Variants in MEGF10 observed in about 807,000 individuals in gnomAD.
MEGF10 encodes multiple EGF like domains 10.
A neutral mutation model predicts 147.5 loss-of-function variants in MEGF10; 86 were observed. The ratio of observed to expected loss-of-function variants is 0.58; its 90% confidence interval spans 0.49 to 0.70. MEGF10 has a LOEUF of 0.70. MEGF10 is among the 30% of genes least tolerant of loss of function. MEGF10 has a pLI of 0.00. For missense variants in MEGF10, 1,329 were observed against 1,487.3 expected (o/e 0.89, Z 1.75); for synonymous variants, 478 against 525.5 (o/e 0.91, Z 1.24).
chr5:127,327,543 A>G lies in MEGF10; in HGVS notation c.-18-3748A>G, dbSNP rs764626079. On this transcript the variant is annotated intron_variant, in intron 1 of 24. Transcript: ENST00000503335. ...ATAAGACAGGATGACACAGCATAGA[A>G]GAGAGAAATGAGGAAGAATAAATTT... is the stretch of plus-strand genomic sequence containing the variant. 3.8e-4 allele frequency among the ~76,000 whole-genome samples: 58 copies of G among 152,264 alleles called. No homozygotes were observed. The Middle Eastern group carries it at 0.02, about 54-fold the overall frequency.
intron 4 of MEGF10, among the ~76,000 whole-genome samples, chr5:127,342,795 T>C (rs1561582316): frequency 1.3e-5 from 2 of 152,122 alleles, no homozygotes; most frequent in African/African-American, 4.8e-5. Context: ...ATTCTCCTTT[T>C]TTCTAGGCCT....
intron 4 of MEGF10, among the ~76,000 whole-genome samples, chr5:127,341,083 A>AAATGAC (rs1239299058): frequency 6.6e-6 from 1 of 152,148 alleles, no homozygotes; most frequent in African/African-American, 2.4e-5. Context: ...TCACATTAAA[A>AAATGAC]AATGACAATA....
chr5:127,293,772 C>A (rs1759369724), intron 1 of MEGF10, among the ~76,000 whole-genome samples: 1 of 152,140 alleles, frequency 6.6e-6, no homozygotes, highest in Admixed American at 6.5e-5. Flanking sequence ...AGGGCTTCAC[C>A]CCAGAAGTAA....
At chr5:127,256,426 T>C in the MEGF10 span, among the ~76,000 whole-genome samples, 16 of 152,206 alleles carry the variant, frequency 1.1e-4, no homozygotes, top group Non-Finnish European at 1.5e-5. Context: ...TGTTTCCTGT[T>C]AATAATTATC....
intron 5 of MEGF10, among the ~76,000 whole-genome samples, chr5:127,385,952 T>G (rs965225894): frequency 1.2e-4 from 19 of 152,080 alleles, no homozygotes; most frequent in Non-Finnish European, 1.5e-5. Context: ...AAAATATTTT[T>G]AAAAAATCAT....
At chr5:127,453,272 G>A (rs1766224148) in intron 22 of MEGF10, among the ~76,000 whole-genome samples, 1 of 152,150 alleles carries the variant, frequency 6.6e-6, no homozygotes, top group Non-Finnish European at 1.5e-5. Context: ...GCCCAGGCTG[G>A]TCTTGAACTC....
the MEGF10 span, among the ~76,000 whole-genome samples, chr5:127,285,731 G>T: frequency 1.3e-5 from 2 of 151,768 alleles, no homozygotes; most frequent in Admixed American, 6.6e-5. Flanking sequence ...TAAAAGCAGT[G>T]AAATAAGATG....
rs1356618177 is a variant in MEGF10, at chr5:127,369,929, T to C, written c.339T>C (p.Cys113=). 6.2e-7 allele frequency: 1 copy of C among 1,611,188 alleles called. No homozygotes were observed. Among genetic ancestry groups the C allele is most frequent in the South Asian group, 1.1e-5 (1 of 90,698 alleles). Residue 113 remains cysteine, a synonymous_variant, in exon 5 of 25, where the codon TGT becomes TGC. Transcript: ENST00000503335. ...EMCVPHCADK[C]VHGRCIAPNT... The stretch of plus-strand genomic sequence containing the variant: ...TGACAGCCCACTGTGCTGATAAATG[T>C]GTCCATGGTCGCTGTATTGCTCCAA...
the MEGF10 span, among the ~76,000 whole-genome samples, chr5:127,244,708 C>A: frequency 1.3e-5 from 2 of 152,022 alleles, no homozygotes; most frequent in Non-Finnish European, 2.9e-5. Context: ...TGTGTGACTT[C>A]TGAAGAAAAG....
chr5:127,367,542 A>C (rs1344672181), intron 4 of MEGF10, among the ~76,000 whole-genome samples: 2 of 152,196 alleles, frequency 1.3e-5, no homozygotes, highest in African/African-American at 4.8e-5. Context: ...TGAGAACTAC[A>C]CTATTAAACA....
chr5:127,330,690 A>G (rs1333905907), intron 1 of MEGF10, among the ~76,000 whole-genome samples: 1 of 152,194 alleles, frequency 6.6e-6, no homozygotes, highest in Non-Finnish European at 1.5e-5. Flanking sequence ...CACTATGTTT[A>G]AGAAACTTAT....
At chr5:127,360,235 T>C (rs1381691319) in intron 4 of MEGF10, among the ~76,000 whole-genome samples, 1 of 152,086 alleles carries the variant, frequency 6.6e-6, no homozygotes, top group African/African-American at 2.4e-5. Context: ...GATTTGTCCT[T>C]AAGTATTTCA....
At position 127,309,998 on chromosome 5, in the gene MEGF10, C is replaced by CTTTCTTTCTTTCT. The variant is rs1561562066; in HGVS notation, c.-19+18944_-19+18945insTCTTTCTTTCTTT. Among the ~76,000 whole-genome samples, 30 of 13,258 alleles carry CTTTCTTTCTTTCT rather than the reference C, an allele frequency of 2.3e-3. 1 individual carries two copies. The highest frequency in any genetic ancestry group is 0.045 in the Middle Eastern group (1 of 22). 8.7% of individuals were successfully genotyped at this position (13,258 alleles called of 152,430 possible). Reference sequence around the variant, plus strand: ...CTTTCTTTCTTTCTTTCTTTCTTTCCTTCCTTCCTTCCTTTCTTTTTTTCT... The same window carrying CTTTCTTTCTTTCT: ...CTTTCTTTCTTTCTTTCTTTCTTTCCTTTCTTTCTTTCTTTCCTTCCTTCCTTTCTTTTTTTCT... On this transcript the variant is annotated intron_variant, in intron 1 of 24. Coordinates refer to ENST00000503335, the MANE Select transcript of MEGF10 (RefSeq NM_001256545.2).
chr5:127,449,305 G>A (rs1354310411), intron 22 of MEGF10, 83 bp downstream of exon 22: 1 of 1,565,254 alleles, frequency 6.4e-7, no homozygotes, highest in South Asian at 1.2e-5. Flanking sequence ...TTGTGCCAAG[G>A]TGTTCTATTG....
At chr5:127,268,461 C>T in the MEGF10 span, among the ~76,000 whole-genome samples, 1 of 152,064 alleles carries the variant, frequency 6.6e-6, no homozygotes, top group Admixed American at 6.5e-5. Flanking sequence ...GAGTTCAATT[C>T]CTGGATATCC....
At chr5:127,275,919 A>C in the MEGF10 span, among the ~76,000 whole-genome samples, 1 of 152,186 alleles carries the variant, frequency 6.6e-6, no homozygotes, top group African/African-American at 2.4e-5. Context: ...GATTGGTTTC[A>C]CTCACCAATT....
intron 22 of MEGF10, among the ~76,000 whole-genome samples, chr5:127,451,363 T>C (rs1441295838): frequency 6.6e-6 from 1 of 152,208 alleles, no homozygotes; most frequent in African/African-American, 2.4e-5. Flanking sequence ...CATAGTGTAG[T>C]CGTTATCACG....
intron 5 of MEGF10, among the ~76,000 whole-genome samples, chr5:127,388,571 A>T (rs995630950): frequency 1.4e-5 from 2 of 144,928 alleles, no homozygotes; most frequent in African/African-American, 5.1e-5. Context: ...TTTGAGGCAG[A>T]GTCTGGCTCT....
chr5:127,237,929 CT>C, the MEGF10 span, among the ~76,000 whole-genome samples: 2 of 151,968 alleles, frequency 1.3e-5, no homozygotes, highest in African/African-American at 4.8e-5. Context: ...AAATCAAACT[CT>C]TTTACCCTAT....
Sources: allele counts gnomAD v4.1 joint callset (sites outside exome capture counted in the v4.1 genomes callset), GRCh38; gene constraint gnomAD v4.1.1; transcripts MANE v1.5; gene names NCBI Gene and HGNC (gene_info 2026-07-23, HGNC 2026-07-21).